The following SYK variants were observed in gnomAD, a reference collection of about 807,000 sequenced individuals.
SYK encodes the protein spleen associated tyrosine kinase, also known as tyrosine-protein kinase SYK.
In SYK, 16 loss-of-function variants were observed where a neutral mutation model predicts 77.8. The observed-to-expected ratio is 0.21, with a 90% confidence interval of 0.14 to 0.31. The LOEUF (loss-of-function observed/expected upper bound fraction) is 0.31, where lower values mean the gene tolerates loss of function less well. SYK is among the 10% of genes least tolerant of loss of function. The pLI is 1.00. For synonymous variants in SYK, 312 were observed against 308.7 expected, an observed-to-expected ratio of 1.01 and a Z score of -0.11; for missense variants, 529 against 814.4, an observed-to-expected ratio of 0.65 and a Z score of 4.26.
At chr9:90,878,640 T>A in intron 10 of SYK, 124 bp from the exon 11 acceptor site, 2 of 732,080 alleles carry the variant, frequency 2.7e-6, no homozygotes, top group Middle Eastern at 3.1e-4. Flanking sequence ...TCACCACTCG[T>A]GAGTTTTGTT....
chr9:90,889,546 C>G (rs943818495), intron 13 of SYK, among the ~76,000 whole-genome samples: 3 of 152,238 alleles, frequency 2.0e-5, no homozygotes, highest in Non-Finnish European at 4.4e-5. Flanking sequence ...CTCCCCTCCC[C>G]ACCCTGGGAG....
At position 90,895,877 on chromosome 9, in the gene SYK, G is replaced by C. The variant is rs758952512; in HGVS notation, c.*277G>C. The C allele has an allele frequency of 2.3e-6, 1 of 435,572 alleles. No individual in the cohort carries two copies. Among genetic ancestry groups the C allele is most frequent in the Non-Finnish European group, 4.3e-6 (1 of 235,190 alleles). 27.0% of individuals were successfully genotyped at this position (435,572 alleles called of 1,614,324 possible). On this transcript the variant is annotated 3_prime_UTR_variant, in exon 14 of 14. Transcript: ENST00000375754. The surrounding 1 kb of genome is among the most constrained non-coding windows in gnomAD (Gnocchi z 4.4). ...TGATTTTCATACAGGTTATTTTTAC[G>C]ATCTGTTTCCAAATCCCTTTCATGT...
intron 13 of SYK, among the ~76,000 whole-genome samples, chr9:90,888,840 A>G (rs551972702): frequency 3.8e-4 from 58 of 152,344 alleles, no homozygotes; most frequent in Admixed American, 7.2e-4. Context: ...GCAAGTTTAG[A>G]TGGGGACTCT....
chr9:90,835,695 A>G (rs1039788053), intron 1 of SYK, among the ~76,000 whole-genome samples: 5 of 152,190 alleles, frequency 3.3e-5, no homozygotes. Context: ...TTAAGAGGCC[A>G]GGAGCTTATG....
chr9:90,877,583 C>A lies in SYK; in HGVS notation c.1194C>A (p.Thr398=). 1 of 1,614,102 alleles carries A rather than the reference C, an allele frequency of 6.2e-7. No individual in the cohort carries two copies. The highest frequency in any genetic ancestry group is 1.1e-5 in the South Asian group (1 of 91,058). ...GYYQMKKVVK[T]VAVKILKNEA... is the part of the protein sequence containing the mutation. ...ATTTCTCTTGCAGAGTTGTGAAAAC[C>A]GTGGCTGTGAAAATACTGAAAAACG... Residue 398 remains threonine, a synonymous_variant, in exon 10 of 14, where the codon ACC becomes ACA. Transcript: ENST00000375754.
chr9:90,845,700 C>G, intron 3 of SYK, 106 bp downstream of exon 3: 1 of 1,297,250 alleles, frequency 7.7e-7, no homozygotes, highest in Non-Finnish European at 1.1e-6. Flanking sequence ...TGGGAAGAGG[C>G]CATGCATTGC....
chr9:90,882,556 C>T (rs1828197528), intron 11 of SYK, among the ~76,000 whole-genome samples: 1 of 152,218 alleles, frequency 6.6e-6, no homozygotes, highest in African/African-American at 2.4e-5. Context: ...TGTACTATCA[C>T]TTGCTTTTTA....
Position 90,891,167 on chromosome 9 carries a change from A to G in SYK, c.1835+2540A>G, listed in dbSNP as rs12684347. 0.024 allele frequency among the ~76,000 whole-genome samples: 2,723 copies of G among 113,142 alleles called. 162 individuals carry two copies. The East Asian group carries it at 0.27, about 11-fold the overall frequency. The allele number at this position is 113,142 out of a possible 152,430, so 74.2% of individuals were successfully genotyped here. A position where few individuals can be genotyped will look rare whatever the true frequency, so the allele number is the denominator to read the frequency against. On this transcript the variant is annotated intron_variant, in intron 13 of 13. Transcript: ENST00000375754. Reference sequence around the variant, plus strand: ...CTTTTTTTTTTTTTTTTTTTTTGAGACGGAGTCTCACTCTGTCGCCCAGGC... The same window carrying G: ...CTTTTTTTTTTTTTTTTTTTTTGAGGCGGAGTCTCACTCTGTCGCCCAGGC...
intron 3 of SYK, among the ~76,000 whole-genome samples, chr9:90,861,092 G>C (rs1827238177): frequency 6.6e-6 from 1 of 152,152 alleles, no homozygotes; most frequent in South Asian, 2.1e-4. Flanking sequence ...AGGGGAGAAT[G>C]GGGCAGTGTG....
At chr9:90,864,720 G>C (rs1482115812) in intron 5 of SYK, 53 bp downstream of exon 5, 1 of 1,535,382 alleles carries the variant, frequency 6.5e-7, no homozygotes, top group Admixed American at 1.7e-5. Flanking sequence ...GTGACAATCA[G>C]CCTCATTTTA....
chr9:90,833,333 G>A (rs1375304823), intron 1 of SYK, among the ~76,000 whole-genome samples: 1 of 152,232 alleles, frequency 6.6e-6, no homozygotes, highest in Non-Finnish European at 1.5e-5. Context: ...AGAACAAAAT[G>A]TAAACGTACT....
At chr9:90,812,099 G>A (rs1825102926) in intron 1 of SYK, among the ~76,000 whole-genome samples, 1 of 141,318 alleles carries the variant, frequency 7.1e-6, no homozygotes. Context: ...GGAAGTGTAA[G>A]CACCAAATTA....
intron 13 of SYK, among the ~76,000 whole-genome samples, chr9:90,891,465 T>C (rs1040404558): frequency 3.9e-5 from 6 of 152,180 alleles, no homozygotes; most frequent in African/African-American, 1.4e-4. Flanking sequence ...AACCTCCATG[T>C]TGAATATCCC....
intron 3 of SYK, among the ~76,000 whole-genome samples, chr9:90,849,219 T>G (rs1012845511): frequency 2.0e-5 from 3 of 152,250 alleles, no homozygotes; most frequent in African/African-American, 7.2e-5. Flanking sequence ...GAGTTGTGCC[T>G]GTACATATAC....
intron 13 of SYK, among the ~76,000 whole-genome samples, chr9:90,893,470 G>T (rs1405232410): frequency 2.0e-5 from 3 of 152,188 alleles, no homozygotes; most frequent in Admixed American, 6.5e-5. Flanking sequence ...GACAGACAGA[G>T]AGAGCGGGAG....
intron 4 of SYK, 151 bp from the exon 5 acceptor site, chr9:90,864,438 C>T (rs1827393771): frequency 1.6e-6 from 1 of 632,628 alleles, no homozygotes; most frequent in Non-Finnish European, 2.6e-6. Flanking sequence ...ACTTCCCCAG[C>T]CACCCTTGTG....
chr9:90,887,405 C>CTTTTT lies in SYK; in HGVS notation c.1582-332_1582-328dup, dbSNP rs3056951. Among the ~76,000 whole-genome samples the CTTTTT allele has an allele frequency of 1.9e-4, 24 of 128,930 alleles. 1 individual carries two copies. Among genetic ancestry groups the CTTTTT allele is most frequent in the South Asian group, 5.0e-4 (2 of 3,970 alleles). 84.6% of individuals were successfully genotyped at this position (128,930 alleles called of 152,430 possible). On this transcript the variant is annotated intron_variant, in intron 11 of 13. Coordinates refer to ENST00000375754, the MANE Select transcript of SYK (RefSeq NM_003177.7). Reference sequence around the variant, plus strand: ...CACAATTTTATGCTTTTCTTTCTTTCTTTTTTTTTTTTTTTTGAGATGGAG... The same window carrying CTTTTT: ...CACAATTTTATGCTTTTCTTTCTTTCTTTTTTTTTTTTTTTTTTTTTGAGATGGAG...
At chr9:90,842,988 G>A (rs1006056581) in intron 1 of SYK, among the ~76,000 whole-genome samples, 1 of 152,078 alleles carries the variant, frequency 6.6e-6, no homozygotes, top group African/African-American at 2.4e-5. Flanking sequence ...TGCATTGGCC[G>A]CCTTTCTTTT....
chr9:90,845,314 A>T, intron 2 of SYK, 120 bp from the exon 3 acceptor site: 1 of 1,003,386 alleles, frequency 1.0e-6, no homozygotes, highest in South Asian at 1.7e-5. Context: ...TGAATGAATG[A>T]GTGAATAAGT....
Sources: allele counts gnomAD v4.1 joint callset (sites outside exome capture counted in the v4.1 genomes callset), GRCh38; gene constraint gnomAD v4.1.1; non-coding constraint Gnocchi (gnomAD v3.1); transcripts MANE v1.5; gene names NCBI Gene and HGNC (gene_info 2026-07-23, HGNC 2026-07-21).